Variants in TXNRD3 observed in about 807,000 individuals in gnomAD.
TXNRD3 encodes the protein TXNRD3 neighbor gene protein.
Under a neutral mutation model 78.2 loss-of-function variants are expected in TXNRD3, and 68 were observed. The observed-to-expected ratio is 0.87, with a 90% CI of 0.72 to 1.06. The LOEUF (loss-of-function observed/expected upper bound fraction) is 1.06. Among genes scored for constraint, TXNRD3 ranks in the 50% least tolerant of loss-of-function variants. TXNRD3 has a pLI of 0.00. For missense variants in TXNRD3, 751 were observed against 809.5 expected (o/e 0.93, Z 0.88); for synonymous variants, 296 against 300.1 (o/e 0.99, Z 0.14).
intron 1 of TXNRD3, among the ~76,000 whole-genome samples, chr3:126,649,286 C>A (rs1189796111): frequency 6.6e-6 from 1 of 152,120 alleles, no homozygotes; most frequent in Non-Finnish European, 1.5e-5. Flanking sequence ...GAATCAAAAC[C>A]ACAATAATAC....
chr3:126,654,694 G>C, intron 1 of TXNRD3, 54 bp downstream of exon 1: 1 of 1,185,478 alleles, frequency 8.4e-7, no homozygotes, highest in Non-Finnish European at 1.1e-6. Flanking sequence ...CCCGGGTGGC[G>C]TCCGCGTGGC....
At chr3:126,641,947 C>T in intron 6 of TXNRD3, 85 bp downstream of exon 6, 1 of 1,389,964 alleles carries the variant, frequency 7.2e-7, no homozygotes, top group Non-Finnish European at 9.5e-7. Flanking sequence ...ACGAACTCAA[C>T]TATAAAAATA....
chr3:126,625,964 A>G (rs925814429), intron 10 of TXNRD3: 2 of 152,840 alleles, frequency 1.3e-5, no homozygotes, highest in African/African-American at 4.8e-5. Context: ...ATCAAGACAG[A>G]TGTTATTGCA....
In TXNRD3 at chr3:126,637,932, C is replaced by CTTTTTTTTTTTTTTT. The variant is rs71615916; in HGVS notation, c.713-3896_713-3882dup. 5.8e-4 allele frequency among the ~76,000 whole-genome samples: 35 copies of CTTTTTTTTTTTTTTT among 60,238 alleles called. 2 individuals are homozygous for CTTTTTTTTTTTTTTT. The highest frequency in any genetic ancestry group is 8.6e-4 in the African/African-American group (12 of 13,978). The allele number at this position is 60,238 out of a possible 152,430, so 39.5% of individuals were successfully genotyped here. On this transcript the variant is annotated intron_variant, in intron 6 of 15. Transcript: ENST00000524230. ...CTTATTTTAACCTATATTTCTCTCTCTTTTTTTTTTTTTTTTTTTTTTTTT... is the reference window on the plus strand; with the variant it reads ...CTTATTTTAACCTATATTTCTCTCTCTTTTTTTTTTTTTTTTTTTTTTTTTTTTTTTTTTTTTTTT...
intron 12 of TXNRD3, among the ~76,000 whole-genome samples, chr3:126,621,110 G>A (rs994833009): frequency 2.0e-5 from 3 of 152,034 alleles, no homozygotes; most frequent in African/African-American, 7.3e-5. Context: ...AAAGTCCTCC[G>A]CTTCCTCAAT....
Position 126,607,800 on chromosome 3 carries a change from T to G in TXNRD3, c.*105A>C, listed in dbSNP as rs949861786. 1 of 909,000 alleles carries G rather than the reference T, an allele frequency of 1.1e-6. No homozygotes were observed. The highest frequency in any genetic ancestry group is 1.6e-6 in the Non-Finnish European group (1 of 626,800). The allele number at this position is 909,000 out of a possible 1,614,324, so 56.3% of individuals were successfully genotyped here. A position where few individuals can be genotyped will look rare whatever the true frequency, so the allele number is the denominator to read the frequency against. Reference sequence around the variant, plus strand: ...CGTAAGACAGCCCTGCACTGGTCCCTGAGTAACAGAGCAGCTGTCATGAGC... The same window carrying G: ...CGTAAGACAGCCCTGCACTGGTCCCGGAGTAACAGAGCAGCTGTCATGAGC... On this transcript the variant is annotated 3_prime_UTR_variant, in exon 16 of 16. Transcript: ENST00000524230.
chr3:126,621,968 T>C, intron 11 of TXNRD3, 70 bp from the exon 12 acceptor site: 1 of 1,278,928 alleles, frequency 7.8e-7, no homozygotes, highest in East Asian at 2.7e-5. Flanking sequence ...ACTAATACTA[T>C]TAGCCAAAAG....
At chr3:126,615,268 G>A in intron 13 of TXNRD3, 87 bp downstream of exon 13, 1 of 584,902 alleles carries the variant, frequency 1.7e-6, no homozygotes, top group South Asian at 2.7e-5. Flanking sequence ...ATAGTAACTT[G>A]CAAAATGATG....
intron 6 of TXNRD3, 115 bp downstream of exon 6, chr3:126,641,917 G>C: frequency 7.9e-7 from 1 of 1,273,378 alleles, no homozygotes; most frequent in Non-Finnish European, 1.0e-6. Flanking sequence ...GCTTCCTAAT[G>C]AATGTTCATT....
chr3:126,625,100 G>A (rs961487896), intron 10 of TXNRD3: 1 of 157,648 alleles, frequency 6.3e-6, no homozygotes, highest in Non-Finnish European at 1.4e-5. Flanking sequence ...ATAATAAAGG[G>A]ACAGACATGG....
At chr3:126,616,540 T>C (rs1304410993) in intron 12 of TXNRD3, among the ~76,000 whole-genome samples, 1 of 151,910 alleles carries the variant, frequency 6.6e-6, no homozygotes, top group East Asian at 1.9e-4. Context: ...ACCTGCAGAG[T>C]TGTCGCCAAG....
At chr3:126,608,737 G>T in intron 14 of TXNRD3, 104 bp from the exon 15 acceptor site, 1 of 1,258,132 alleles carries the variant, frequency 7.9e-7, no homozygotes, top group Non-Finnish European at 1.0e-6. Context: ...ATCTACTACA[G>T]AAAAAGAACT....
intron 3 of TXNRD3, among the ~76,000 whole-genome samples, chr3:126,645,338 T>C (rs1933200907): frequency 6.6e-6 from 1 of 152,216 alleles, no homozygotes; most frequent in Non-Finnish European, 1.5e-5. Flanking sequence ...GGACATCATT[T>C]TCCAAGTTAG....
At chr3:126,622,588 G>T in intron 10 of TXNRD3, 48 bp from the exon 11 acceptor site, 2 of 1,377,038 alleles carry the variant, frequency 1.5e-6, no homozygotes, top group Non-Finnish European at 2.0e-6. Context: ...TATCGGGAAT[G>T]AAAGAAGGAA....
chr3:126,646,423 A>C (rs1239951894), intron 2 of TXNRD3, among the ~76,000 whole-genome samples: 8 of 152,224 alleles, frequency 5.3e-5, no homozygotes, highest in Non-Finnish European at 1.2e-4. Context: ...AGATCTACTG[A>C]TTCCTTCAAA....
chr3:126,612,581 T>C (rs996333026), intron 13 of TXNRD3, among the ~76,000 whole-genome samples: 2 of 152,132 alleles, frequency 1.3e-5, no homozygotes, highest in Non-Finnish European at 2.9e-5. Flanking sequence ...CGGGTTCTCT[T>C]ACCAGGTTTT....
At chr3:126,624,810 C>T (rs1368580711) in intron 10 of TXNRD3, 2 of 193,908 alleles carry the variant, frequency 1.0e-5, no homozygotes, top group Non-Finnish European at 2.3e-5. Flanking sequence ...AGCACGTATG[C>T]TCTATACAAT....
At position 126,637,932 on chromosome 3, in the gene TXNRD3, C is replaced by CTTTTTTTTTTTTTTTT. The variant is rs71615916; in HGVS notation, c.713-3897_713-3882dup. 3.3e-4 allele frequency among the ~76,000 whole-genome samples: 20 copies of CTTTTTTTTTTTTTTTT among 60,192 alleles called. 1 individual carries two copies. The highest frequency in any genetic ancestry group is 4.5e-4 in the Non-Finnish European group (16 of 35,184). 39.5% of individuals were successfully genotyped at this position (60,192 alleles called of 152,430 possible). On this transcript the variant is annotated intron_variant, in intron 6 of 15. Coordinates refer to ENST00000524230, the MANE Select transcript of TXNRD3 (RefSeq NM_052883.3). ...CTTATTTTAACCTATATTTCTCTCT[C>CTTTTTTTTTTTTTTTT]TTTTTTTTTTTTTTTTTTTTTTTTT... is the stretch of plus-strand genomic sequence containing the variant.
chr3:126,647,642 C>T (rs1369803575), intron 1 of TXNRD3, among the ~76,000 whole-genome samples: 2 of 152,158 alleles, frequency 1.3e-5, no homozygotes, highest in African/African-American at 2.4e-5. Flanking sequence ...TCCTCTCCTT[C>T]CACTCAGTAA....
Sources: allele counts gnomAD v4.1 joint callset (sites outside exome capture counted in the v4.1 genomes callset), GRCh38; gene constraint gnomAD v4.1.1; transcripts MANE v1.5; gene names NCBI Gene and HGNC (gene_info 2026-07-23, HGNC 2026-07-21).